The following TNFRSF21 variants were observed in gnomAD, a reference collection of about 807,000 sequenced individuals.
TNFRSF21 encodes the protein tumor necrosis factor receptor superfamily member 21.
A neutral mutation model predicts 45.6 loss-of-function variants in TNFRSF21; 19 were observed. The observed-to-expected ratio is 0.42, with a 90% CI of 0.29 to 0.61. The LOEUF is 0.61. TNFRSF21 is among the 20% of genes least tolerant of loss of function. The probability of loss-of-function intolerance (pLI) is 0.23; values close to 1 mark genes in which losing one functional copy is unlikely to be tolerated. For synonymous variants in TNFRSF21, 314 were observed against 335.5 expected (o/e 0.94, Z 0.70); for missense variants, 737 against 851.5 (o/e 0.87, Z 1.67).
chr6:47,253,283 A>G lies in TNFRSF21; in HGVS notation c.1482T>C (p.Ile494=), dbSNP rs112044873. The stretch of plus-strand genomic sequence containing the variant: ...GGGTGGTGTCTTCCATCAGCCCACG[A>G]ATCTTCTCCACAACATCGTTTCTCC... The part of the protein sequence containing the change: ...QHRRNDVVEK[I]RGLMEDTTQL... The change falls in exon 4 of 6, where the codon ATT becomes ATC. Residue 494 remains isoleucine (I), a synonymous_variant. Transcript: ENST00000296861. 142 of 1,613,436 alleles carry G rather than the reference A, an allele frequency of 8.8e-5. No homozygotes were observed. In the African/African-American group the frequency reaches 1.3e-3, roughly 15 times the overall value.
chr6:47,304,294 C>CAA (rs5876021), intron 1 of TNFRSF21, among the ~76,000 whole-genome samples: 1 of 142,386 alleles, frequency 7.0e-6, no homozygotes, highest in Non-Finnish European at 1.6e-5. Flanking sequence ...AAAAAAAAAC[C>CAA]AAAAAAAAAA....
intron 3 of TNFRSF21, among the ~76,000 whole-genome samples, chr6:47,280,132 G>T (rs1355444292): frequency 6.6e-6 from 1 of 152,182 alleles, no homozygotes; most frequent in East Asian, 1.9e-4. Context: ...TCAAAGTTTG[G>T]AGGATGTATA....
intron 1 of TNFRSF21, among the ~76,000 whole-genome samples, chr6:47,297,812 C>A (rs1346313861): frequency 6.6e-6 from 1 of 152,098 alleles, no homozygotes; most frequent in Admixed American, 6.6e-5. Flanking sequence ...TGTAAGCCAC[C>A]GCACCTGGCC....
At chr6:47,287,307 CA>C (rs1164380285) in intron 1 of TNFRSF21, among the ~76,000 whole-genome samples, 1,035 of 20,844 alleles carry the variant, frequency 0.05, 3 homozygotes, top group African/African-American at 0.11. Flanking sequence ...AACTCTTTCT[CA>C]AAAAAAAAAA....
chr6:47,282,282 G>A (rs144946254), intron 3 of TNFRSF21, among the ~76,000 whole-genome samples: 3,739 of 151,678 alleles, frequency 0.025, 158 homozygotes, highest in African/African-American at 0.086. Flanking sequence ...CTACTCAGGA[G>A]GCTGAGGCAG....
At chr6:47,250,024 A>G (rs1177466207) in intron 4 of TNFRSF21, among the ~76,000 whole-genome samples, 3 of 152,194 alleles carry the variant, frequency 2.0e-5, no homozygotes, top group Non-Finnish European at 4.4e-5. Flanking sequence ...GAGTAATTAC[A>G]TTTTAAAAAT....
At chr6:47,256,965 G>A (rs1403318164) in intron 3 of TNFRSF21, among the ~76,000 whole-genome samples, 2 of 152,116 alleles carry the variant, frequency 1.3e-5, no homozygotes, top group Non-Finnish European at 2.9e-5. Flanking sequence ...TTCCTCATGT[G>A]TACAATGGAG....
Position 47,232,974 on chromosome 6 carries a change from G to T in TNFRSF21, c.1759C>A (p.Arg587=). Residue 587 remains arginine, a synonymous_variant, in exon 6 of 6, where the codon CGG becomes AGG. Transcript: ENST00000296861. ...TCACAGGGGTCCAGGCGTACCTGCC[G>T]CAACACTGTGTCCTTCTTTTCTGCA... ...ITKEKKDTVL[R]QVRLDPCDLQ... 1 of 1,614,164 alleles carries T rather than the reference G, an allele frequency of 6.2e-7. No individual in the cohort carries two copies. The highest frequency in any genetic ancestry group is 8.5e-7 in the Non-Finnish European group (1 of 1,180,036).
chr6:47,268,101 G>A (rs1762361495), intron 3 of TNFRSF21, among the ~76,000 whole-genome samples: 1 of 152,216 alleles, frequency 6.6e-6, no homozygotes, highest in African/African-American at 2.4e-5. Flanking sequence ...GTATGCACTA[G>A]TTCCCAGCTC....
chr6:47,286,223 G>T lies in TNFRSF21; in HGVS notation c.469C>A (p.Arg157=). The T allele has an allele frequency of 1.2e-6, 2 of 1,614,118 alleles. No homozygotes were observed. Among genetic ancestry groups the T allele is most frequent in the South Asian group, 2.2e-5 (2 of 91,074 alleles). ...HTVCPVGWGV[R]KKGTETEDVR... ...TCCTCAGTCTCTGTCCCTTTCTTCC[G>T]CACACCCCAACCCACAGGACACACC... The change falls in exon 2 of 6, where the codon CGG becomes AGG. Residue 157 remains arginine (R), a synonymous_variant. Coordinates refer to ENST00000296861, the MANE Select transcript of TNFRSF21 (RefSeq NM_014452.5).
At chr6:47,251,668 G>A (rs1415669955) in intron 4 of TNFRSF21, among the ~76,000 whole-genome samples, 2 of 152,106 alleles carry the variant, frequency 1.3e-5, no homozygotes, top group African/African-American at 4.8e-5. Context: ...CCTTCTTTGA[G>A]CCTTAGGCTT....
chr6:47,248,812 G>A (rs900526552), intron 4 of TNFRSF21, among the ~76,000 whole-genome samples: 1 of 152,186 alleles, frequency 6.6e-6, no homozygotes, highest in Non-Finnish European at 1.5e-5. Flanking sequence ...ATGTGTATGA[G>A]TTTTAGCTAG....
chr6:47,245,785 A>G (rs1339293846), intron 4 of TNFRSF21, among the ~76,000 whole-genome samples: 3 of 152,190 alleles, frequency 2.0e-5, no homozygotes, highest in African/African-American at 4.8e-5. Flanking sequence ...CTGAAGTTGG[A>G]TAATTTATAA....
chr6:47,268,228 C>T (rs371115922), intron 3 of TNFRSF21, among the ~76,000 whole-genome samples: 15 of 152,252 alleles, frequency 9.9e-5, no homozygotes, highest in East Asian at 3.9e-4. Context: ...AAAATTGGCA[C>T]GATCCTGACA....
chr6:47,270,947 C>T lies in TNFRSF21; in HGVS notation c.1243+12991G>A, dbSNP rs533919595. ...TGAAGATCAAATTAATGAAATAAAG[C>T]GAGATGACAAGGTTAGAGAAAAAAG... On this transcript the variant is annotated intron_variant, in intron 3 of 5. Coordinates refer to ENST00000296861, the MANE Select transcript of TNFRSF21 (RefSeq NM_014452.5). 9.2e-5 allele frequency among the ~76,000 whole-genome samples: 14 copies of T among 151,986 alleles called. No individual in the cohort carries two copies. The East Asian group carries it at 1.7e-3, about 19-fold the overall frequency.
At chr6:47,253,754 A>G (rs969838616) in intron 3 of TNFRSF21, among the ~76,000 whole-genome samples, 4 of 152,216 alleles carry the variant, frequency 2.6e-5, no homozygotes, top group Non-Finnish European at 5.9e-5. Flanking sequence ...AGGAATGATC[A>G]TGGAATTATA....
Position 47,284,040 on chromosome 6 carries a change from G to T in TNFRSF21, c.1141C>A (p.Pro381Thr), listed in dbSNP as rs1762609965. 1.2e-6 allele frequency: 2 copies of T among 1,614,074 alleles called. No homozygotes were observed. The highest frequency in any genetic ancestry group is 1.7e-6 in the Non-Finnish European group (2 of 1,180,052). Residue 381 changes from proline (P) to threonine (T), a missense_variant, in exon 3 of 6, where the codon CCC (proline) becomes ACC (threonine). Coordinates refer to ENST00000296861, the MANE Select transcript of TNFRSF21 (RefSeq NM_014452.5). ...RKSSRTLKKG[P>T]RQDPSAIVEK... ...ACAATGGCACTGGGATCCTGCCGGG[G>T]CCCCTTTTTCAGAGTCCTCGAGCTT...
chr6:47,286,688 CCAT>C (rs1762654788), intron 1 of TNFRSF21, 93 bp from the exon 2 acceptor site: 2 of 1,312,372 alleles, frequency 1.5e-6, no homozygotes, highest in African/African-American at 2.9e-5. Flanking sequence ...TCCAGCACCA[CCAT>C]CATCATTCCT....
intron 3 of TNFRSF21, among the ~76,000 whole-genome samples, chr6:47,258,237 G>A (rs561072666): frequency 1.3e-5 from 2 of 151,966 alleles, no homozygotes; most frequent in African/African-American, 4.8e-5. Context: ...AGGCGTGGTG[G>A]TGCACACCTG....
Sources: allele counts gnomAD v4.1 joint callset (sites outside exome capture counted in the v4.1 genomes callset), GRCh38; gene constraint gnomAD v4.1.1; transcripts MANE v1.5; gene names NCBI Gene and HGNC (gene_info 2026-07-23, HGNC 2026-07-21).